Variants in CCNL2 observed in about 807,000 individuals in gnomAD.
CCNL2 encodes the protein cyclin-L2.
In CCNL2, 28 loss-of-function variants were observed where a neutral mutation model predicts 59.1. The ratio of observed to expected loss-of-function variants is 0.47; its 90% CI spans 0.35 to 0.65. CCNL2 has a LOEUF of 0.65. Among genes scored for constraint, CCNL2 ranks in the 30% least tolerant of loss-of-function variants. The probability of loss-of-function intolerance (pLI) is 0.00; values close to 1 mark genes in which losing one functional copy is unlikely to be tolerated. For synonymous variants in CCNL2, 342 were observed against 288.6 expected, an observed-to-expected ratio of 1.19 and a Z score of -1.88; for missense variants, 714 against 717.4, an observed-to-expected ratio of 1.00 and a Z score of 0.05.
At chr1:1,391,669 T>C in intron 5 of CCNL2, 1 of 677,422 alleles carries the variant, frequency 1.5e-6, no homozygotes, top group Non-Finnish European at 2.2e-6. Flanking sequence ...TTCATCACAG[T>C]ACATTCTTTA....
chr1:1,395,617 A>C, intron 3 of CCNL2, 103 bp from the exon 4 acceptor site: 2 of 1,498,462 alleles, frequency 1.3e-6, no homozygotes, highest in Non-Finnish European at 1.8e-6. Flanking sequence ...CAAACCCCAC[A>C]ACACAACATC....
chr1:1,391,665 A>G (rs1479983897), intron 5 of CCNL2: 9 of 708,376 alleles, frequency 1.3e-5, no homozygotes, highest in Non-Finnish European at 1.7e-5. Flanking sequence ...ACATTTCATC[A>G]CAGTACATTC....
intron 3 of CCNL2, among the ~76,000 whole-genome samples, chr1:1,396,740 C>T (rs182137828): frequency 2.3e-4 from 35 of 149,928 alleles, no homozygotes; most frequent in African/African-American, 7.8e-4. Flanking sequence ...CAACCACACC[C>T]GGCTAATTTT....
chr1:1,398,642 G>C lies in CCNL2; in HGVS notation c.318C>G (p.Phe106Leu). 1 of 1,613,990 alleles carries C rather than the reference G, an allele frequency of 6.2e-7. No individual in the cohort carries two copies. The highest frequency in any genetic ancestry group is 8.5e-7 in the Non-Finnish European group (1 of 1,179,980). ...QVAMATGQVL[F>L]QRFFYTKSFV... ...AGGACTTGGTATAAAAGAACCGCTG[G>C]AACAACACCTGCCCGGTAGCCATGG... Residue 106 changes from phenylalanine to leucine, a missense_variant, in exon 2 of 11, where the codon TTC becomes TTG. By Grantham distance (22) the Phe-to-Leu change is conservative (BLOSUM62 0). Coordinates refer to ENST00000400809, the MANE Select transcript of CCNL2 (RefSeq NM_030937.6).
At chr1:1,392,385 G>T in intron 5 of CCNL2, 1 of 1,083,830 alleles carries the variant, frequency 9.2e-7, no homozygotes, top group Non-Finnish European at 1.1e-6. Flanking sequence ...AGCGTGTCAT[G>T]CAAAGCTGCT....
intron 5 of CCNL2, chr1:1,392,349 A>G (rs918246648): frequency 9.8e-7 from 1 of 1,022,660 alleles, no homozygotes; most frequent in African/African-American, 1.7e-5. Context: ...CCATGAAATA[A>G]TTTAAAGATG....
chr1:1,394,752 GA>G (rs745453245), intron 4 of CCNL2, among the ~76,000 whole-genome samples: 968 of 42,800 alleles, frequency 0.023, 9 homozygotes, highest in Middle Eastern at 0.048. Flanking sequence ...TCCGTCTCAA[GA>G]AAAAAAAAAA....
chr1:1,393,264 A>G (rs1267001873), intron 5 of CCNL2, 132 bp downstream of exon 5: 3 of 736,502 alleles, frequency 4.1e-6, no homozygotes, highest in East Asian at 2.5e-5. Context: ...ATACAGCAGG[A>G]GCACTGGGCA....
At chr1:1,398,739 G>C in intron 1 of CCNL2, 68 bp from the exon 2 acceptor site, 2 of 1,428,234 alleles carry the variant, frequency 1.4e-6, no homozygotes, top group Non-Finnish European at 2.0e-6. Flanking sequence ...GAAAGTCATC[G>C]AGTAACGTGG....
rs755363573 is a variant in CCNL2, at chr1:1,393,380, A to C, written c.659+16T>G. On this transcript the variant is annotated intron_variant, in intron 5 of 10. Coordinates refer to ENST00000400809, the MANE Select transcript of CCNL2 (RefSeq NM_030937.6). ...CTGCCCTTGCTGGTCTCATAAAACAAGGAAGCTCAACTCACCATGAGGTCT... is the reference window on the plus strand; with the variant it reads ...CTGCCCTTGCTGGTCTCATAAAACACGGAAGCTCAACTCACCATGAGGTCT... 6.2e-7 allele frequency: 1 copy of C among 1,612,054 alleles called. No homozygotes were observed. The highest frequency in any genetic ancestry group is 8.5e-7 in the Non-Finnish European group (1 of 1,178,116).
chr1:1,398,891 G>A, intron 1 of CCNL2, 128 bp downstream of exon 1: 1 of 1,425,566 alleles, frequency 7.0e-7, no homozygotes, highest in Non-Finnish European at 9.2e-7. Flanking sequence ...ATGGCGCCGA[G>A]GCTGGGGTCG....
chr1:1,392,121 C>T (rs1048264774), intron 5 of CCNL2: 7 of 200,236 alleles, frequency 3.5e-5, no homozygotes, highest in East Asian at 1.8e-4. Context: ...ATCTGTGTGG[C>T]GGCCGTGTGG....
intron 1 of CCNL2, 62 bp downstream of exon 1, chr1:1,398,957 C>G (rs954933403): frequency 1.7e-5 from 26 of 1,501,350 alleles, no homozygotes; most frequent in Non-Finnish European, 2.3e-5. Flanking sequence ...GACTCGCCGC[C>G]AACAAAGGCG....
intron 5 of CCNL2, chr1:1,392,809 A>G: frequency 6.2e-7 from 1 of 1,612,580 alleles, no homozygotes; most frequent in Non-Finnish European, 8.5e-7. Context: ...CTACCCTTTG[A>G]TTGAAAGAGT....
At position 1,398,251 on chromosome 1, in the gene CCNL2, C is replaced by G. The variant is rs748644920; in HGVS notation, c.455G>C (p.Arg152Pro). The change falls in exon 3 of 11, where the codon CGA (arginine) becomes CCA (proline). Residue 152 changes from arginine (R) to proline (P), a missense_variant. By Grantham distance (103) the Arg-to-Pro change is moderately radical (BLOSUM62 -2). Transcript: ENST00000400809. Reference sequence around the variant, plus strand: ...GACTCACTTTTTGTCTCTCAGCTGTCGAAGGCGGTGAAACACATTGATGAC... The same window carrying G: ...GACTCACTTTTTGTCTCTCAGCTGTGGAAGGCGGTGAAACACATTGATGAC... The part of the protein sequence containing the change: ...RDVINVFHRL[R>P]QLRDKKKPVP... 1 of 1,614,202 alleles carries G rather than the reference C, an allele frequency of 6.2e-7. No homozygotes were observed. Among genetic ancestry groups the G allele is most frequent in the South Asian group, 1.1e-5 (1 of 91,084 alleles).
At chr1:1,393,211 A>C in intron 5 of CCNL2, 185 bp downstream of exon 5, 1 of 611,710 alleles carries the variant, frequency 1.6e-6, no homozygotes, top group Non-Finnish European at 2.9e-6. Context: ...CGGGCCACCT[A>C]CCGTGACTGC....
In CCNL2 at chr1:1,387,022, G is replaced by C. The variant is rs377266295; in HGVS notation, c.*209C>G. The C allele has an allele frequency of 1.8e-6, 1 of 547,784 alleles. No homozygotes were observed. The highest frequency in any genetic ancestry group is 3.1e-5 in the Admixed American group (1 of 31,804). 33.9% of individuals were successfully genotyped at this position (547,784 alleles called of 1,614,324 possible). On this transcript the variant is annotated 3_prime_UTR_variant, in exon 11 of 11. Transcript: ENST00000400809. ...CCAGGTGTGCGCCGCACCCCAGACC[G>C]GTCTGAAGCACGTGTCACCGGTCCC...
intron 5 of CCNL2, chr1:1,391,138 AAG>A: frequency 8.1e-7 from 1 of 1,227,032 alleles, no homozygotes; most frequent in Non-Finnish European, 1.0e-6. Flanking sequence ...GTTGCTATGA[AAG>A]AGAACCGACT....
chr1:1,396,897 C>T (rs1033892117), intron 3 of CCNL2, among the ~76,000 whole-genome samples: 2 of 152,088 alleles, frequency 1.3e-5, no homozygotes, highest in Non-Finnish European at 2.9e-5. Context: ...CACAGGCACC[C>T]GCCACCACGC....
Sources: allele counts gnomAD v4.1 joint callset (sites outside exome capture counted in the v4.1 genomes callset), GRCh38; gene constraint gnomAD v4.1.1; transcripts MANE v1.5; gene names NCBI Gene and HGNC (gene_info 2026-07-23, HGNC 2026-07-21).